TMEM184B: variants seen among roughly 807,000 people sequenced by gnomAD.
TMEM184B encodes the protein putative MAPK-activating protein FM08.
Under a neutral mutation model 41.8 loss-of-function variants are expected in TMEM184B, and 17 were observed. The ratio of observed to expected loss-of-function variants is 0.41; its 90% CI spans 0.28 to 0.61. The LOEUF is 0.61. Ranked by LOEUF, TMEM184B falls within the 20% of genes least tolerant of loss-of-function variation. The pLI, the probability that TMEM184B is intolerant of heterozygous loss-of-function variation, is 0.34. For missense variants in TMEM184B, 393 were observed against 557.8 expected, an observed-to-expected ratio of 0.70 and a Z score of 2.98; for synonymous variants, 240 against 229.5, an observed-to-expected ratio of 1.05 and a Z score of -0.41.
Position 38,221,362 on chromosome 22 carries a change from G to C in TMEM184B, c.*107C>G, listed in dbSNP as rs974094161. ...TGTTTCTGGTCCAATAAATAAAGGC[G>C]GCGTGAGCACTGTGCCAGCTGCCTC... is the stretch of plus-strand genomic sequence containing the variant. On this transcript the variant is annotated 3_prime_UTR_variant, in exon 9 of 9. Transcript: ENST00000361906. 1 of 1,484,032 alleles carries C rather than the reference G, an allele frequency of 6.7e-7. No homozygotes were observed. Among genetic ancestry groups the C allele is most frequent in the Non-Finnish European group, 8.9e-7 (1 of 1,124,154 alleles). The allele number at this position is 1,484,032 out of a possible 1,614,324, so 91.9% of individuals were successfully genotyped here.
intron 1 of TMEM184B, among the ~76,000 whole-genome samples, chr22:38,248,381 C>G (rs976074472): frequency 6.6e-6 from 1 of 152,250 alleles, no homozygotes; most frequent in South Asian, 2.1e-4. Context: ...TCAGCTCCTA[C>G]AGTTCCCACT....
intron 3 of TMEM184B, among the ~76,000 whole-genome samples, chr22:38,241,548 C>T (rs988126328): frequency 2.7e-5 from 4 of 148,216 alleles, no homozygotes; most frequent in African/African-American, 9.9e-5. Context: ...AAAAAATTAG[C>T]GGGGCATGGT....
At chr22:38,272,658 C>T in intron 1 of TMEM184B, 1 of 985,586 alleles carries the variant, frequency 1.0e-6, no homozygotes, top group Non-Finnish European at 1.2e-6. Flanking sequence ...AGGGAGCGGG[C>T]ACACCCACGG....
intron 1 of TMEM184B, among the ~76,000 whole-genome samples, chr22:38,258,620 AG>A (rs2092322785): frequency 6.6e-6 from 1 of 152,138 alleles, no homozygotes; most frequent in Non-Finnish European, 1.5e-5. Flanking sequence ...GATTTTAGAA[AG>A]GATTATGCTG....
chr22:38,217,411 C>T (rs1331112863), downstream of TMEM184B, among the ~76,000 whole-genome samples: 1 of 99,018 alleles, frequency 1.0e-5, no homozygotes, highest in Non-Finnish European at 1.9e-5. Context: ...GAGGCTGAGG[C>T]AGGCAGATCA....
In TMEM184B at chr22:38,221,035, C is replaced by T. The variant is rs1009064130; in HGVS notation, c.*434G>A. ...GGGGAGGGATGCAGGCGGGAAGAGCCCAGGTCAGACAGGGTATTGCACGGT... is the reference window on the plus strand; with the variant it reads ...GGGGAGGGATGCAGGCGGGAAGAGCTCAGGTCAGACAGGGTATTGCACGGT... On this transcript the variant is annotated 3_prime_UTR_variant, in exon 9 of 9. Coordinates refer to ENST00000361906, the MANE Select transcript of TMEM184B (RefSeq NM_012264.5). 5.9e-6 allele frequency: 6 copies of T among 1,010,118 alleles called. No individual in the cohort carries two copies. In the African/African-American group the frequency reaches 1.0e-4, roughly 17 times the overall value. The allele number at this position is 1,010,118 out of a possible 1,614,324, so 62.6% of individuals were successfully genotyped here.
intron 1 of TMEM184B, among the ~76,000 whole-genome samples, chr22:38,266,969 G>C (rs2145786273): frequency 6.6e-6 from 1 of 152,032 alleles, no homozygotes; most frequent in African/African-American, 2.4e-5. Context: ...TGTACTCCCA[G>C]CTACTCGGGA....
chr22:38,271,835 G>T (rs1218784830), intron 1 of TMEM184B, among the ~76,000 whole-genome samples: 2 of 152,256 alleles, frequency 1.3e-5, no homozygotes, highest in African/African-American at 2.4e-5. Context: ...AGAGCCTAGG[G>T]GTTCTACCAA....
chr22:38,218,996 CG>C (rs2091186335), downstream of TMEM184B, among the ~76,000 whole-genome samples: 1 of 152,268 alleles, frequency 6.6e-6, no homozygotes, highest in African/African-American at 2.4e-5. Flanking sequence ...CCTGCAGGAG[CG>C]GGGCTGCCAG....
intron 1 of TMEM184B, among the ~76,000 whole-genome samples, chr22:38,254,083 C>T (rs1480188967): frequency 6.6e-6 from 1 of 151,708 alleles, no homozygotes; most frequent in Non-Finnish European, 1.5e-5. Flanking sequence ...CGCCTGTAAT[C>T]CCAGCTACTC....
chr22:38,221,213 T>TA lies in TMEM184B; in HGVS notation c.*255dup. 7.5e-7 allele frequency: 1 copy of TA among 1,338,484 alleles called. No individual in the cohort carries two copies. Among genetic ancestry groups the TA allele is most frequent in the South Asian group, 1.9e-5 (1 of 52,336 alleles). 82.9% of individuals were successfully genotyped at this position (1,338,484 alleles called of 1,614,324 possible). A position where few individuals can be genotyped will look rare whatever the true frequency, so the allele number is the denominator to read the frequency against. On this transcript the variant is annotated 3_prime_UTR_variant, in exon 9 of 9. Coordinates refer to ENST00000361906, the MANE Select transcript of TMEM184B (RefSeq NM_012264.5). ...CAGCACAGGACGGGCAGCAGGGGCA[T>TA]AAGCCTTGCTCCCAGTGTCCTCTGC...
intron 8 of TMEM184B, among the ~76,000 whole-genome samples, chr22:38,224,318 G>T (rs1208315390): frequency 6.6e-6 from 1 of 152,182 alleles, no homozygotes; most frequent in African/African-American, 2.4e-5. Flanking sequence ...GTTTCACCGT[G>T]TTAGCCAGGA....
chr22:38,269,102 C>T (rs1434295843), intron 1 of TMEM184B, among the ~76,000 whole-genome samples: 71 of 152,224 alleles, frequency 4.7e-4, no homozygotes, highest in Admixed American at 4.6e-3. Context: ...GCATCTTGCC[C>T]AAGGCCACAG....
chr22:38,238,445 C>T lies in TMEM184B; in HGVS notation c.359-7111G>A, dbSNP rs539363189. On this transcript the variant is annotated intron_variant, in intron 3 of 8. Transcript: ENST00000361906. ...TTCGCCATGTTGGCCAGGATGGTCTCGATCTCTTGACCTCACAATCCGCCC... is the reference window on the plus strand; with the variant it reads ...TTCGCCATGTTGGCCAGGATGGTCTTGATCTCTTGACCTCACAATCCGCCC... Among the ~76,000 whole-genome samples, 77 of 151,962 alleles carry T rather than the reference C, an allele frequency of 5.1e-4. 2 individuals are homozygous for T. Among genetic ancestry groups the T allele is most frequent in the South Asian group, 4.1e-4 (2 of 4,822 alleles).
Position 38,226,705 on chromosome 22 carries a change from C to A in TMEM184B, c.617+74G>T. The A allele has an allele frequency of 1.4e-6, 2 of 1,453,594 alleles. No homozygotes were observed. The highest frequency in any genetic ancestry group is 1.9e-6 in the Non-Finnish European group (2 of 1,062,984). The allele number at this position is 1,453,594 out of a possible 1,614,324, so 90.0% of individuals were successfully genotyped here. ...ATGGCTGTGCGGCCACTCTGGCTGC[C>A]CCCTTCCCTGAGCCAAGGCACCAGC... is the stretch of plus-strand genomic sequence containing the variant. On this transcript the variant is annotated intron_variant, in intron 6 of 8. Coordinates refer to ENST00000361906, the MANE Select transcript of TMEM184B (RefSeq NM_012264.5). This position sits in a 1 kb window ranked among gnomAD's most constrained non-coding sequence, Gnocchi z 4.6.
At position 38,220,644 on chromosome 22, in the gene TMEM184B, C is replaced by A. The variant is rs891704003; in HGVS notation, c.*825G>T. On this transcript the variant is annotated 3_prime_UTR_variant, in exon 9 of 9. Coordinates refer to ENST00000361906, the MANE Select transcript of TMEM184B (RefSeq NM_012264.5). ...TCAGCCTGGGAAGGAGGGCTGGGAG[C>A]CCCTGAGCCCTGAAGCAGCCAGGAA... The A allele has an allele frequency of 2.0e-6, 2 of 986,110 alleles. No homozygotes were observed. Among genetic ancestry groups the A allele is most frequent in the African/African-American group, 3.5e-5 (2 of 57,262 alleles). 61.1% of individuals were successfully genotyped at this position (986,110 alleles called of 1,614,324 possible).
At chr22:38,250,199 C>T (rs575504406) in intron 1 of TMEM184B, among the ~76,000 whole-genome samples, 169 of 152,368 alleles carry the variant, frequency 1.1e-3, no homozygotes, top group African/African-American at 4.0e-3. Context: ...AGCCTGGCCC[C>T]GCGATGCAGA....
downstream of TMEM184B, among the ~76,000 whole-genome samples, chr22:38,218,568 GA>G (rs2091178130): frequency 6.6e-6 from 1 of 152,114 alleles, no homozygotes; most frequent in African/African-American, 2.4e-5. Context: ...CCAGTTGGGC[GA>G]AGGTGCAGGA....
At chr22:38,229,551 C>T (rs7292369) in intron 5 of TMEM184B, among the ~76,000 whole-genome samples, 3,453 of 152,056 alleles carry the variant, frequency 0.023, 127 homozygotes, top group African/African-American at 0.077. Context: ...GACCCCACCA[C>T]ACTGCCCCCA....
Sources: gnomAD v4.1 joint callset for allele counts (sites outside exome capture counted in the v4.1 genomes callset) on GRCh38, gnomAD v4.1.1 for gene constraint, Gnocchi (gnomAD v3.1) non-coding constraint, MANE v1.5 for transcripts, NCBI Gene and HGNC (gene_info 2026-07-23, HGNC 2026-07-21) for gene names.